Variants in ATP6V0A1 observed in about 807,000 individuals in gnomAD.
ATP6V0A1 encodes the protein V-type proton ATPase 116 kDa subunit a 1.
Under a neutral mutation model 105.4 loss-of-function variants are expected in ATP6V0A1, and 43 were observed. The ratio of observed to expected loss-of-function variants is 0.41; its 90% confidence interval spans 0.32 to 0.53. ATP6V0A1 has a LOEUF of 0.53. ATP6V0A1 is among the 20% of genes least tolerant of loss of function. The pLI is 0.30. For synonymous variants in ATP6V0A1, 362 were observed against 372.8 expected, an observed-to-expected ratio of 0.97 and a Z score of 0.33; for missense variants, 676 against 1,051.1, an observed-to-expected ratio of 0.64 and a Z score of 4.93.
At chr17:42,495,819 G>A (rs1335666247) in intron 14 of ATP6V0A1, 103 bp downstream of exon 14, 6 of 1,049,888 alleles carry the variant, frequency 5.7e-6, no homozygotes, top group African/African-American at 1.6e-5. Context: ...GCTTTCACTG[G>A]GCATGGTCGC....
intron 12 of ATP6V0A1, chr17:42,494,736 C>T (rs759167629): frequency 4.3e-6 from 2 of 468,556 alleles, no homozygotes; most frequent in Non-Finnish European, 7.4e-6. Flanking sequence ...AGTGAGACCC[C>T]ATCTCTAAAA....
At chr17:42,513,490 C>CT (rs2092452960) in intron 19 of ATP6V0A1, 1 of 189,876 alleles carries the variant, frequency 5.3e-6, no homozygotes, top group African/African-American at 2.3e-5. Flanking sequence ...CAGACAGTCA[C>CT]TTTCTCAACA....
chr17:42,494,230 T>C, intron 11 of ATP6V0A1, 104 bp from the exon 12 acceptor site: 1 of 1,191,128 alleles, frequency 8.4e-7, no homozygotes, highest in South Asian at 1.6e-5. Context: ...CAAGACTCCA[T>C]CTCAAAAAAA....
intron 6 of ATP6V0A1, 86 bp from the exon 7 acceptor site, chr17:42,478,377 A>G (rs1172691748): frequency 2.1e-6 from 2 of 941,030 alleles, no homozygotes; most frequent in Non-Finnish European, 2.7e-6. Context: ...AGATATATAT[A>G]TAAATATAAA....
At chr17:42,468,289 A>G (rs141207299) in intron 4 of ATP6V0A1, among the ~76,000 whole-genome samples, 182 bp downstream of exon 4, 1 of 152,192 alleles carries the variant, frequency 6.6e-6, no homozygotes, top group Non-Finnish European at 1.5e-5. Flanking sequence ...TGTACATGTG[A>G]TATTTTGGTA....
chr17:42,492,245 T>C lies in ATP6V0A1; in HGVS notation c.1174+1608T>C, dbSNP rs188404111. Among the ~76,000 whole-genome samples, 97 of 151,778 alleles carry C rather than the reference T, an allele frequency of 6.4e-4. No individual in the cohort carries two copies. The Middle Eastern group carries it at 0.01, about 16-fold the overall frequency. ...TTAGCCGGATTTGGTGGCATGCACC[T>C]GTAGTCCCAGCTACTCGGGAGGCTG... On this transcript the variant is annotated intron_variant, in intron 11 of 21. Coordinates refer to ENST00000343619, the MANE Select transcript of ATP6V0A1 (RefSeq NM_001130021.3).
intron 3 of ATP6V0A1, among the ~76,000 whole-genome samples, 199 bp downstream of exon 3, chr17:42,466,706 G>A (rs774643445): frequency 1.7e-4 from 26 of 152,184 alleles, no homozygotes; most frequent in African/African-American, 5.3e-4. Context: ...TGGAAACCTC[G>A]TTTGAAATAA....
rs778412674 is a variant in ATP6V0A1, at chr17:42,494,852, A to G, written c.1315-182A>G. On this transcript the variant is annotated intron_variant, in intron 12 of 21. Transcript: ENST00000343619. ...TTGTGCCAACCTAATAAAAAAATAG[A>G]GGCCACATCCTGTGAAAGTGACTGT... is the stretch of plus-strand genomic sequence containing the variant. The G allele has an allele frequency of 9.9e-6, 6 of 607,684 alleles. No individual in the cohort carries two copies. The Middle Eastern group carries it at 1.1e-3, about 110-fold the overall frequency. The allele number at this position is 607,684 out of a possible 1,614,324, so 37.6% of individuals were successfully genotyped here.
intron 9 of ATP6V0A1, among the ~76,000 whole-genome samples, chr17:42,486,279 C>T (rs1313236275): frequency 2.6e-5 from 4 of 151,948 alleles, no homozygotes; most frequent in South Asian, 4.2e-4. Context: ...TGCATGGTGG[C>T]GCGCGCCTGT....
At chr17:42,507,382 G>A (rs748245567) in intron 17 of ATP6V0A1, 138 bp from the exon 18 acceptor site, 5 of 633,336 alleles carry the variant, frequency 7.9e-6, no homozygotes, top group South Asian at 1.9e-5. Flanking sequence ...TTACTTAGCC[G>A]TTCAGTCAGT....
intron 20 of ATP6V0A1, 100 bp downstream of exon 20, chr17:42,514,078 T>C: frequency 7.2e-7 from 1 of 1,394,384 alleles, no homozygotes; most frequent in Non-Finnish European, 1.0e-6. Flanking sequence ...ATGAAGGTTC[T>C]GGAATTATTC....
chr17:42,485,111 A>G (rs919953461), intron 9 of ATP6V0A1, among the ~76,000 whole-genome samples: 1 of 152,020 alleles, frequency 6.6e-6, no homozygotes, highest in African/African-American at 2.4e-5. Context: ...CGGCCTCCCA[A>G]AGTCCTGGGA....
chr17:42,459,936 G>A (rs1245114946), intron 1 of ATP6V0A1, among the ~76,000 whole-genome samples: 1 of 152,118 alleles, frequency 6.6e-6, no homozygotes, highest in Non-Finnish European at 1.5e-5. Context: ...GCATTTTTCT[G>A]AGTTTGGATA....
At chr17:42,472,697 C>T (rs952404720) in intron 5 of ATP6V0A1, among the ~76,000 whole-genome samples, 4 of 152,050 alleles carry the variant, frequency 2.6e-5, no homozygotes, top group Non-Finnish European at 4.4e-5. Flanking sequence ...GCACTCTAGC[C>T]TGGGCGAAAG....
chr17:42,499,974 A>G (rs2146117243), intron 15 of ATP6V0A1, among the ~76,000 whole-genome samples: 1 of 149,540 alleles, frequency 6.7e-6, no homozygotes, highest in African/African-American at 2.5e-5. Context: ...GGGGGCTCAC[A>G]CCTGTAATGC....
chr17:42,508,607 G>A lies in ATP6V0A1; in HGVS notation c.2130+18G>A, dbSNP rs201293290. 5.0e-6 allele frequency: 8 copies of A among 1,613,912 alleles called. No homozygotes were observed. Among genetic ancestry groups the A allele is most frequent in the African/African-American group, 2.7e-5 (2 of 75,032 alleles). On this transcript the variant is annotated intron_variant, in intron 19 of 21. Coordinates refer to ENST00000343619, the MANE Select transcript of ATP6V0A1 (RefSeq NM_001130021.3). ...ACGAAGTGGTAAGATGAAAGCTGGC[G>A]TTGCCTTCGTGTTTATCCGGGCTTC...
intron 5 of ATP6V0A1, 193 bp downstream of exon 5, chr17:42,470,411 T>G (rs1346886385): frequency 1.1e-5 from 6 of 565,750 alleles, no homozygotes; most frequent in Non-Finnish European, 1.8e-5. Context: ...TGGTTTTGCA[T>G]TTTTTCACAT....
chr17:42,487,193 G>T lies in ATP6V0A1; in HGVS notation c.849G>T (p.Leu283=), dbSNP rs1598873531. ...NQTEDHRQRV[L]QAAAKNIRVW... is the part of the protein sequence containing the mutation. Reference sequence around the variant, plus strand: ...CGGAGGATCACCGCCAGAGGGTTCTGCAGGCAGCTGCTAAGAACATCCGTG... The same window carrying T: ...CGGAGGATCACCGCCAGAGGGTTCTTCAGGCAGCTGCTAAGAACATCCGTG... Residue 283 remains leucine, a synonymous_variant, in exon 10 of 22, where the codon CTG becomes CTT. Coordinates refer to ENST00000343619, the MANE Select transcript of ATP6V0A1 (RefSeq NM_001130021.3). 2 of 1,614,180 alleles carry T rather than the reference G, an allele frequency of 1.2e-6. No homozygotes were observed. The highest frequency in any genetic ancestry group is 1.7e-6 in the Non-Finnish European group (2 of 1,180,032).
intron 5 of ATP6V0A1, among the ~76,000 whole-genome samples, chr17:42,473,813 A>G (rs769448358): frequency 2.6e-5 from 4 of 152,210 alleles, no homozygotes; most frequent in Non-Finnish European, 4.4e-5. Context: ...TTTTCTAATG[A>G]AAAGAACTTA....
Sources: allele counts gnomAD v4.1 joint callset (sites outside exome capture counted in the v4.1 genomes callset), GRCh38; gene constraint gnomAD v4.1.1; transcripts MANE v1.5; gene names NCBI Gene and HGNC (gene_info 2026-07-23, HGNC 2026-07-21).